Variants in PHF21B observed in about 807,000 individuals in gnomAD.
PHF21B encodes the protein PHD finger protein 21B, also known as PHD finger protein 4.
PHF21B carries 22 observed loss-of-function variants against 62.2 expected under a neutral mutation model. The ratio of observed to expected loss-of-function variants is 0.35; its 90% confidence interval spans 0.25 to 0.51. PHF21B has a LOEUF of 0.51. Ranked by LOEUF, PHF21B falls within the 20% of genes least tolerant of loss-of-function variation. The probability of loss-of-function intolerance (pLI) is 0.97; values close to 1 mark genes in which losing one functional copy is unlikely to be tolerated. For synonymous variants in PHF21B, 341 were observed against 314.7 expected (o/e 1.08, Z -0.88); for missense variants, 701 against 707.9 (o/e 0.99, Z 0.11).
intron 2 of PHF21B, among the ~76,000 whole-genome samples, chr22:45,007,827 G>C (rs1172467142): frequency 6.6e-6 from 1 of 151,636 alleles, no homozygotes; most frequent in Non-Finnish European, 1.5e-5. Flanking sequence ...GGCGGCATCT[G>C]TTCGTGGTGC....
intron 2 of PHF21B, among the ~76,000 whole-genome samples, chr22:44,960,916 T>C (rs1335780305): frequency 6.6e-6 from 1 of 151,042 alleles, no homozygotes; most frequent in Non-Finnish European, 1.5e-5. Context: ...CTGCAGATCC[T>C]GGGACTTGAG....
At chr22:44,928,647 C>T (rs571559943) in intron 2 of PHF21B, among the ~76,000 whole-genome samples, 4 of 152,322 alleles carry the variant, frequency 2.6e-5, no homozygotes, top group South Asian at 2.1e-4. Flanking sequence ...CGACCTCAAA[C>T]GATCTGCCCA....
intron 12 of PHF21B, among the ~76,000 whole-genome samples, chr22:44,884,353 C>T (rs1477096543): frequency 3.9e-5 from 4 of 103,314 alleles, no homozygotes; most frequent in Non-Finnish European, 5.7e-5. Flanking sequence ...ACCATCACCA[C>T]CACGATCACC....
intron 2 of PHF21B, among the ~76,000 whole-genome samples, chr22:44,924,502 G>A (rs927434505): frequency 3.3e-5 from 5 of 152,210 alleles, no homozygotes; most frequent in Non-Finnish European, 7.4e-5. Context: ...GGTCATGAGG[G>A]TGGAGCCCTC....
intron 2 of PHF21B, among the ~76,000 whole-genome samples, chr22:44,928,841 G>A (rs774262917): frequency 1.3e-5 from 2 of 152,218 alleles, no homozygotes; most frequent in African/African-American, 2.4e-5. Flanking sequence ...GCTCTCCAGA[G>A]TCTTCACCCA....
At chr22:44,958,864 C>T (rs1218478149) in intron 2 of PHF21B, among the ~76,000 whole-genome samples, 1 of 152,110 alleles carries the variant, frequency 6.6e-6, no homozygotes, top group African/African-American at 2.4e-5. Context: ...TGGTCTTGAA[C>T]TCCTGACCTC....
At chr22:44,966,047 C>T (rs1349038363) in intron 2 of PHF21B, among the ~76,000 whole-genome samples, 1 of 152,200 alleles carries the variant, frequency 6.6e-6, no homozygotes, top group Non-Finnish European at 1.5e-5. Flanking sequence ...GGTGTTTCTC[C>T]AGCCATCCCT....
intron 2 of PHF21B, among the ~76,000 whole-genome samples, chr22:44,953,636 G>C (rs79121713): frequency 0.075 from 11,421 of 152,166 alleles, 504 homozygotes; most frequent in South Asian, 0.11. Flanking sequence ...GATTCCCCAG[G>C]GGAGGCCCCA....
chr22:44,888,003 G>A lies in PHF21B; in HGVS notation c.1157C>T (p.Ala386Val), dbSNP rs1167081171. ...GGGGCACACCCACACGCCCTTGGGCGCCGTCTTGAGGGGCGGCTCCAGGCA... is the reference window on the plus strand; with the variant it reads ...GGGGCACACCCACACGCCCTTGGGCACCGTCTTGAGGGGCGGCTCCAGGCA... ...LSCLEPPLKT[A>V]PKGVWVCPRC... The change falls in exon 10 of 13, where the codon GCG (alanine) becomes GTG (valine). Residue 386 changes from alanine to valine, a missense_variant. Ala to Val is a moderately conservative substitution (Grantham distance 64, BLOSUM62 0). Transcript: ENST00000313237. The A allele has an allele frequency of 1.1e-5, 18 of 1,570,044 alleles. No homozygotes were observed. The highest frequency in any genetic ancestry group is 9.4e-5 in the South Asian group (8 of 84,724).
At chr22:44,900,128 T>C (rs2071131442) in intron 5 of PHF21B, among the ~76,000 whole-genome samples, 1 of 152,206 alleles carries the variant, frequency 6.6e-6, no homozygotes, top group Non-Finnish European at 1.5e-5. Context: ...TTTACTTACA[T>C]GAATCTTTTA....
chr22:44,961,124 T>C (rs1046174937), intron 2 of PHF21B, among the ~76,000 whole-genome samples: 3 of 151,598 alleles, frequency 2.0e-5, no homozygotes, highest in Admixed American at 6.6e-5. Context: ...ACCCGGCTCA[T>C]TTTTGTATTT....
At chr22:44,934,887 C>T (rs1036143126) in intron 2 of PHF21B, among the ~76,000 whole-genome samples, 4 of 152,296 alleles carry the variant, frequency 2.6e-5, no homozygotes, top group Admixed American at 1.3e-4. Flanking sequence ...GCTCAGCAGG[C>T]CCCACCAGGC....
chr22:44,967,808 C>A (rs536105198), intron 2 of PHF21B, among the ~76,000 whole-genome samples: 15 of 152,258 alleles, frequency 9.9e-5, no homozygotes, highest in African/African-American at 3.4e-4. Context: ...ATCGCTCTCC[C>A]CAGGCTGCCC....
At chr22:44,984,983 G>A (rs2072920352) in intron 2 of PHF21B, among the ~76,000 whole-genome samples, 1 of 152,200 alleles carries the variant, frequency 6.6e-6, no homozygotes, top group Non-Finnish European at 1.5e-5. Flanking sequence ...CTTTAAAAGT[G>A]ATGTTGGCAA....
At chr22:44,990,446 G>A (rs2073025000) in intron 2 of PHF21B, among the ~76,000 whole-genome samples, 2 of 152,208 alleles carry the variant, frequency 1.3e-5, no homozygotes, top group African/African-American at 2.4e-5. Flanking sequence ...TAAACAGCAC[G>A]GAGTACGTGC....
chr22:44,949,324 A>AC (rs2072147375), intron 2 of PHF21B, among the ~76,000 whole-genome samples: 1 of 151,518 alleles, frequency 6.6e-6, no homozygotes, highest in Non-Finnish European at 1.5e-5. Context: ...AAAAAAAAAA[A>AC]AGAAAAAAGA....
chr22:44,888,034 G>A lies in PHF21B; in HGVS notation c.1126C>T (p.Leu376Phe). 6.4e-7 allele frequency: 1 copy of A among 1,561,742 alleles called. No individual in the cohort carries two copies. The highest frequency in any genetic ancestry group is 8.7e-7 in the Non-Finnish European group (1 of 1,153,706). ...TTGAGGGGCGGCTCCAGGCAGCTGAGGTGGTAGGCCCCCGGGCAGGTGCCG... is the reference window on the plus strand; with the variant it reads ...TTGAGGGGCGGCTCCAGGCAGCTGAAGTGGTAGGCCCCCGGGCAGGTGCCG... ...PCGTCPGAYHLSCLEPPLKTA... is the reference protein window; with the variant it reads ...PCGTCPGAYHFSCLEPPLKTA... The change falls in exon 10 of 13, where the codon CTC becomes TTC. Residue 376 changes from leucine (L) to phenylalanine (F), a missense_variant. Transcript: ENST00000313237.
At chr22:44,926,641 T>G (rs1201262734) in intron 2 of PHF21B, among the ~76,000 whole-genome samples, 1 of 152,214 alleles carries the variant, frequency 6.6e-6, no homozygotes, top group African/African-American at 2.4e-5. Flanking sequence ...CCATGTGTGT[T>G]TTCCATGTTG....
intron 2 of PHF21B, among the ~76,000 whole-genome samples, chr22:44,986,778 A>T (rs1266993941): frequency 6.6e-6 from 1 of 151,722 alleles, no homozygotes; most frequent in Non-Finnish European, 1.5e-5. Context: ...GTGTTCCTGG[A>T]GCTGGGGAGA....
Sources: allele counts gnomAD v4.1 joint callset (sites outside exome capture counted in the v4.1 genomes callset), GRCh38; gene constraint gnomAD v4.1.1; transcripts MANE v1.5; gene names NCBI Gene and HGNC (gene_info 2026-07-23, HGNC 2026-07-21).